Variants in BCORL1 observed in about 807,000 individuals in gnomAD.
BCORL1 encodes BCL-6 corepressor-like protein 1.
BCORL1 carries 7 observed loss-of-function variants against 87.6 expected under a neutral mutation model. The ratio of observed to expected loss-of-function variants is 0.08; its 90% CI spans 0.05 to 0.15. The LOEUF is 0.15. Ranked by LOEUF, BCORL1 falls within the 10% of genes least tolerant of loss-of-function variation. The probability of loss-of-function intolerance (pLI) is 1.00; values close to 1 mark genes in which losing one functional copy is unlikely to be tolerated. For synonymous variants in BCORL1, 591 were observed against 634.4 expected (o/e 0.93, Z 1.03); for missense variants, 1,215 against 1,499.7 (o/e 0.81, Z 3.13).
intron 1 of BCORL1, among the ~76,000 whole-genome samples, chrX:129,989,441 C>T (rs765801191): frequency 4.0e-5 from 3 of 74,209 alleles, no homozygotes; most frequent in African/African-American, 1.7e-4. Flanking sequence ...CCACCGCACC[C>T]GTCTTTTTTT....
chrX:130,047,129 G>A (rs1248011515), intron 11 of BCORL1, among the ~76,000 whole-genome samples: 1 of 111,425 alleles, frequency 9.0e-6, no homozygotes, highest in African/African-American at 3.3e-5. Flanking sequence ...GGATATATAC[G>A]CCATTGATGG....
At chrX:130,004,197 G>A (rs60172820) in intron 1 of BCORL1, among the ~76,000 whole-genome samples, 6,062 of 108,567 alleles carry the variant, frequency 0.056, 460 homozygotes, top group African/African-American at 0.19. Context: ...GGTGGAACAT[G>A]GAGACAACAG....
At chrX:130,032,966 T>C (rs1207202386) in intron 8 of BCORL1, among the ~76,000 whole-genome samples, 7 of 109,436 alleles carry the variant, frequency 6.4e-5, no homozygotes, top group Non-Finnish European at 1.3e-4. Flanking sequence ...TTTCACCATA[T>C]TGGCCAGGCT....
chrX:130,052,076 G>A (rs1932109673), intron 13 of BCORL1, 60 bp downstream of exon 13: 12 of 1,068,742 alleles, frequency 1.1e-5, no homozygotes, highest in Admixed American at 8.9e-5. Flanking sequence ...CAGTAGGAAG[G>A]TGGAGTTCTC....
chrX:130,034,658 G>A lies in BCORL1; in HGVS notation c.4509G>A (p.Ala1503=), dbSNP rs775261502. The part of the protein sequence containing the change: ...KNAGETLLQR[A]ARLGYKDVVL... ...CTGGTGAGACCCTCCTGCAGAGGGC[G>A]GCGCGTCTTGGCTATAAGGTAAGGG... The change falls in exon 9 of 14, where the codon GCG becomes GCA. Residue 1503 remains alanine (A), a synonymous_variant. Transcript: ENST00000540052. The A allele has an allele frequency of 6.1e-6, 6 of 979,554 alleles. No homozygotes were observed. Among genetic ancestry groups the A allele is most frequent in the African/African-American group, 4.0e-5 (2 of 49,834 alleles). 80.7% of individuals were successfully genotyped at this position (979,554 alleles called of 1,213,427 possible). A position where few individuals can be genotyped will look rare whatever the true frequency, so the allele number is the denominator to read the frequency against.
chrX:130,014,150 C>A lies in BCORL1; in HGVS notation c.1378C>A (p.Pro460Thr), dbSNP rs756050613. Residue 460 changes from proline (P) to threonine (T), a missense_variant, in exon 4 of 14, where the codon CCA becomes ACA. By Grantham distance (38) the Pro-to-Thr change is conservative (BLOSUM62 -1). This residue lies in a region of BCORL1 where 861 missense variants were observed against 1,010.0 expected (regional missense o/e 0.85). Transcript: ENST00000540052. The stretch of plus-strand genomic sequence containing the variant: ...TATCCCGCCTCCAAGCTGTGGGCAG[C>A]CACTCAGTGTGGCCACACTGCCAAC... ...VYIPPPSCGQ[P>T]LSVATLPTTL... is the part of the protein sequence containing the mutation. 1 of 1,211,407 alleles carries A rather than the reference C, an allele frequency of 8.3e-7. No homozygotes were observed. The highest frequency in any genetic ancestry group is 1.8e-5 in the South Asian group (1 of 56,962).
intron 1 of BCORL1, among the ~76,000 whole-genome samples, chrX:129,999,538 G>C (rs1336593324): frequency 3.7e-5 from 4 of 109,073 alleles, no homozygotes; most frequent in African/African-American, 1.3e-4. Flanking sequence ...GAACTCCTGA[G>C]CTCAAGTGAT....
intron 6 of BCORL1, among the ~76,000 whole-genome samples, chrX:130,024,316 CT>C (rs1419513522): frequency 9.0e-6 from 1 of 111,029 alleles, no homozygotes; most frequent in Non-Finnish European, 1.9e-5. Context: ...CACCCCTGAA[CT>C]CTTGGCAAGT....
chrX:130,016,194 G>A lies in BCORL1; in HGVS notation c.3422G>A (p.Arg1141Gln), dbSNP rs1238653823. 6 of 1,203,923 alleles carry A rather than the reference G, an allele frequency of 5.0e-6. No individual in the cohort carries two copies. The highest frequency in any genetic ancestry group is 6.0e-5 in the East Asian group (2 of 33,469). Residue 1141 changes from arginine (R) to glutamine (Q), a missense_variant, in exon 4 of 14, where the codon CGG (arginine) becomes CAG (glutamine). Around this residue, in one of 5 missense-constraint regions of BCORL1, gnomAD observed 861 missense variants for 1,010.0 expected, o/e 0.85. Coordinates refer to ENST00000540052, the MANE Select transcript of BCORL1 (RefSeq NM_001379451.1). ...CAGCCACAAGCCAAGGCCGTGGTCCGGAGTTCCCACAGACCCAAGGTGAGT... is the reference window on the plus strand; with the variant it reads ...CAGCCACAAGCCAAGGCCGTGGTCCAGAGTTCCCACAGACCCAAGGTGAGT... Reference protein sequence around the residue: ...QLQPQAKAVVRSSHRPKCRKL... With the variant: ...QLQPQAKAVVQSSHRPKCRKL...
At chrX:130,004,038 T>C (rs751501411) in intron 1 of BCORL1, among the ~76,000 whole-genome samples, 1 of 111,790 alleles carries the variant, frequency 8.9e-6, no homozygotes, top group Non-Finnish European at 1.9e-5. Context: ...AATAAGGATT[T>C]TAGCTAATAA....
intron 1 of BCORL1, among the ~76,000 whole-genome samples, chrX:129,996,718 G>A (rs757670781): frequency 9.0e-5 from 10 of 111,338 alleles, no homozygotes; most frequent in Non-Finnish European, 1.9e-4. Flanking sequence ...TCCTGGGCTC[G>A]AAGGATCCCT....
chrX:130,047,434 G>T (rs1338666638), intron 11 of BCORL1, among the ~76,000 whole-genome samples: 1 of 112,380 alleles, frequency 8.9e-6, no homozygotes. Flanking sequence ...AGCTCCTCCT[G>T]TGTGCCACTC....
chrX:130,038,322 C>A (rs569698964), intron 10 of BCORL1, among the ~76,000 whole-genome samples: 1 of 111,814 alleles, frequency 8.9e-6, no homozygotes, highest in Admixed American at 9.5e-5. Context: ...TACCAGAGAG[C>A]CTACTTCCTG....
rs200410908 is a variant in BCORL1, at chrX:130,051,972, G to A, written c.5031G>A (p.Lys1677=). The A allele has an allele frequency of 8.3e-7, 1 of 1,208,411 alleles. No individual in the cohort carries two copies. The highest frequency in any genetic ancestry group is 1.1e-6 in the Non-Finnish European group (1 of 893,683). ...ATTTCATGTTTGAACTCTCAGACAAGCCTCTTCTCCCTTGCTACAACCTCC... is the reference window on the plus strand; with the variant it reads ...ATTTCATGTTTGAACTCTCAGACAAACCTCTTCTCCCTTGCTACAACCTCC... ...EDDFMFELSD[K]PLLPCYNLQV... The change falls in exon 13 of 14, where the codon AAG becomes AAA. Residue 1677 remains lysine (K), a synonymous_variant. Transcript: ENST00000540052.
At chrX:130,005,081 A>T in intron 1 of BCORL1, 107 bp from the exon 2 acceptor site, 1 of 479,230 alleles carries the variant, frequency 2.1e-6, no homozygotes, top group Non-Finnish European at 3.5e-6. Flanking sequence ...TGGCTGCTTT[A>T]ACATTCTGAT....
intron 9 of BCORL1, among the ~76,000 whole-genome samples, chrX:130,037,016 T>G (rs1167974476): frequency 9.0e-6 from 1 of 110,820 alleles, no homozygotes; most frequent in Non-Finnish European, 1.9e-5. Context: ...CGTGGTGGCG[T>G]GCGCCTGTAG....
Position 130,021,096 on chromosome X carries a change from C to T in BCORL1, c.3553C>T (p.Pro1185Ser). The change falls in exon 5 of 14, where the codon CCG (proline) becomes TCG (serine). Residue 1185 changes from proline to serine, a missense_variant. By Grantham distance (74) the Pro-to-Ser change is moderately conservative. Transcript: ENST00000540052. ...CAGGGGAAAGCACAAGCACCGGAAGCCGACAAAGCCGGAGTCCCAGTCTCC... is the reference window on the plus strand; with the variant it reads ...CAGGGGAAAGCACAAGCACCGGAAGTCGACAAAGCCGGAGTCCCAGTCTCC... The part of the protein sequence containing the change: ...GVRGKHKHRK[P>S]TKPESQSPGK... 1 of 1,201,009 alleles carries T rather than the reference C, an allele frequency of 8.3e-7. No homozygotes were observed. The highest frequency in any genetic ancestry group is 1.8e-5 in the South Asian group (1 of 55,186).
In BCORL1 at chrX:130,012,756, G is replaced by T. The variant is rs769281031; in HGVS notation, c.177+88G>T. 5.4e-5 allele frequency: 56 copies of T among 1,033,880 alleles called. No individual in the cohort carries two copies. In the Admixed American group the frequency reaches 1.3e-3, roughly 24 times the overall value. 85.2% of individuals were successfully genotyped at this position (1,033,880 alleles called of 1,213,427 possible). Reference sequence around the variant, plus strand: ...TGTGCCCAGCCTGCCATCCCAGGAAGTGGGCAGGAAGGGACAGGGTCTCTC... The same window carrying T: ...TGTGCCCAGCCTGCCATCCCAGGAATTGGGCAGGAAGGGACAGGGTCTCTC... On this transcript the variant is annotated intron_variant, in intron 3 of 13. Transcript: ENST00000540052.
In BCORL1 at chrX:129,992,461, C is replaced by G. The variant is rs772607026; in HGVS notation, c.-45+9699C>G. On this transcript the variant is annotated intron_variant, in intron 1 of 13. Transcript: ENST00000540052. ...TTGAGACCCAGTCTTAAAATAACAA[C>G]AACAAACTCTTTGAGCTAATACTGT... 1.3e-3 allele frequency among the ~76,000 whole-genome samples: 148 copies of G among 111,484 alleles called. 1 individual carries two copies. Among genetic ancestry groups the G allele is most frequent in the Non-Finnish European group, 2.3e-3 (120 of 53,064 alleles).
Sources: gnomAD v4.1 joint callset for allele counts (sites outside exome capture counted in the v4.1 genomes callset) on GRCh38, gnomAD v4.1.1 for gene constraint, gnomAD v4.1.1 regional missense constraint, MANE v1.5 for transcripts, NCBI Gene and HGNC (gene_info 2026-07-23, HGNC 2026-07-21) for gene names.